The following RPS6KB1 variants were observed in gnomAD, a reference collection of about 807,000 sequenced individuals.
The protein encoded by RPS6KB1 is ribosomal protein S6 kinase B1.
A neutral mutation model predicts 70.2 loss-of-function variants in RPS6KB1; 12 were observed. That is an observed-to-expected ratio of 0.17 (90% confidence interval 0.11 to 0.28). The LOEUF (loss-of-function observed/expected upper bound fraction) is 0.28. Ranked by LOEUF, RPS6KB1 falls within the 10% of genes least tolerant of loss-of-function variation. RPS6KB1 has a pLI of 1.00. For missense variants in RPS6KB1, 270 were observed against 646.6 expected (o/e 0.42, Z 6.32); for synonymous variants, 175 against 211.2 (o/e 0.83, Z 1.49).
intron 4 of RPS6KB1, among the ~76,000 whole-genome samples, chr17:59,923,052 T>TG: frequency 6.6e-6 from 1 of 151,432 alleles, no homozygotes; most frequent in Non-Finnish European, 1.5e-5. Flanking sequence ...TTAGTAGAGA[T>TG]GGGGTTTCAC....
At chr17:59,925,232 C>G (rs1193858624) in intron 4 of RPS6KB1, among the ~76,000 whole-genome samples, 2 of 152,132 alleles carry the variant, frequency 1.3e-5, no homozygotes, top group African/African-American at 2.4e-5. Context: ...TAGTGTTCCA[C>G]TTTCACAGAT....
chr17:59,938,832 G>A (rs1003863543), intron 12 of RPS6KB1, among the ~76,000 whole-genome samples: 1 of 151,870 alleles, frequency 6.6e-6, no homozygotes, highest in African/African-American at 2.4e-5. Context: ...TACACTGATT[G>A]TCACAGGTTG....
At position 59,938,411 on chromosome 17, in the gene RPS6KB1, T is replaced by TC. The variant is rs757307732; in HGVS notation, c.1119+1871dup. ...TGTTGTTGTTTTTCCATTTTTTTTT[T>TC]CTCCTGTTTGTAAGGATTTAATCAA... is the stretch of plus-strand genomic sequence containing the variant. On this transcript the variant is annotated intron_variant, in intron 12 of 14. Transcript: ENST00000225577. 1.3e-3 allele frequency among the ~76,000 whole-genome samples: 194 copies of TC among 151,802 alleles called. 2 individuals are homozygous for TC. Among genetic ancestry groups the TC allele is most frequent in the Non-Finnish European group, 2.2e-3 (150 of 67,900 alleles).
chr17:59,946,712 C>A lies in RPS6KB1; in HGVS notation c.1502C>A (p.Pro501Gln). ...EASAPLPIRQ[P>Q]NSGPYKKQAF... ...TCGGCACCACTTCCAATACGACAGC[C>A]GAACTCTGGGCCATACAAAAAACAA... The change falls in exon 15 of 15, where the codon CCG becomes CAG. Residue 501 changes from proline (P) to glutamine (Q), a missense_variant. This residue lies in a region of RPS6KB1 where 133 missense variants were observed against 314.7 expected (regional missense o/e 0.42). Transcript: ENST00000225577. The surrounding 1 kb of genome is among the most constrained non-coding windows in gnomAD (Gnocchi z 4.2). 6.2e-7 allele frequency: 1 copy of A among 1,614,086 alleles called. No homozygotes were observed. Among genetic ancestry groups the A allele is most frequent in the Non-Finnish European group, 8.5e-7 (1 of 1,180,016 alleles).
chr17:59,917,354 G>A (rs2043017558), intron 4 of RPS6KB1, among the ~76,000 whole-genome samples: 1 of 152,020 alleles, frequency 6.6e-6, no homozygotes, highest in South Asian at 2.1e-4. Context: ...GGGCTCAAGT[G>A]ATCCACCCGC....
At position 59,920,064 on chromosome 17, in the gene RPS6KB1, T is replaced by A. The variant is rs116890780; in HGVS notation, c.381+5361T>A. On this transcript the variant is annotated intron_variant, in intron 4 of 14. Coordinates refer to ENST00000225577, the MANE Select transcript of RPS6KB1 (RefSeq NM_003161.4). ...TGTGTGTTTGTTTTCTTATTCTTGT[T>A]TGGGATTGATTACTGAAAAGATTCC... Among the ~76,000 whole-genome samples, 1,426 of 152,202 alleles carry A rather than the reference T, an allele frequency of 9.4e-3. 11 individuals are homozygous for A. The highest frequency in any genetic ancestry group is 0.017 in the Middle Eastern group (5 of 294).
intron 12 of RPS6KB1, among the ~76,000 whole-genome samples, chr17:59,937,277 C>A (rs1291680007): frequency 6.6e-6 from 1 of 152,096 alleles, no homozygotes; most frequent in African/African-American, 2.4e-5. Flanking sequence ...TTGGGACTTT[C>A]CTTTTTTTGG....
intron 4 of RPS6KB1, among the ~76,000 whole-genome samples, chr17:59,917,903 G>A (rs974829684): frequency 2.0e-5 from 3 of 151,962 alleles, no homozygotes; most frequent in Non-Finnish European, 2.9e-5. Context: ...TCTTTTCCAC[G>A]TTTCCATTTC....
chr17:59,894,857 G>T (rs899446492), intron 1 of RPS6KB1, among the ~76,000 whole-genome samples: 1 of 152,002 alleles, frequency 6.6e-6, no homozygotes, highest in Admixed American at 6.6e-5. Context: ...CACCAGCCTC[G>T]GCCTCCCAAA....
chr17:59,933,599 T>C (rs2044069541), intron 7 of RPS6KB1, among the ~76,000 whole-genome samples: 1 of 152,204 alleles, frequency 6.6e-6, no homozygotes. Context: ...GTGGTAAGTT[T>C]TTTACTTTCT....
rs2042829525 is a variant in RPS6KB1 at position 59,914,520 on chromosome 17, GCA to G, written c.313-112_313-111del. The stretch of plus-strand genomic sequence containing the variant: ...TCTGTTCTTTTAGCTGATCATTTTT[GCA>G]CATAGTTTTTATAATATAAACTGCT... On this transcript the variant is annotated intron_variant, in intron 3 of 14. Transcript: ENST00000225577. The G allele has an allele frequency of 3.8e-6, 3 of 782,500 alleles. No homozygotes were observed. In the Admixed American group the frequency reaches 7.1e-5, roughly 19 times the overall value. 48.5% of individuals were successfully genotyped at this position (782,500 alleles called of 1,614,324 possible).
At chr17:59,908,532 C>A (rs982073459) in intron 1 of RPS6KB1, among the ~76,000 whole-genome samples, 1 of 150,180 alleles carries the variant, frequency 6.7e-6, no homozygotes, top group South Asian at 2.1e-4. Context: ...GATAAATGTA[C>A]ATTTTGAAGG....
intron 7 of RPS6KB1, among the ~76,000 whole-genome samples, chr17:59,932,837 C>T (rs2044006169): frequency 6.6e-6 from 1 of 152,082 alleles, no homozygotes. Context: ...ACAGGCATAA[C>T]CCACCTTCCC....
At chr17:59,941,756 C>G (rs2044605612) in intron 13 of RPS6KB1, among the ~76,000 whole-genome samples, 1 of 151,752 alleles carries the variant, frequency 6.6e-6, no homozygotes, top group African/African-American at 2.4e-5. Flanking sequence ...GCCTCAGCCT[C>G]CCGAGTAGCT....
intron 1 of RPS6KB1, 54 bp from the exon 2 acceptor site, chr17:59,910,508 C>T (rs2042570736): frequency 2.6e-6 from 3 of 1,143,548 alleles, no homozygotes; most frequent in South Asian, 2.8e-5. Flanking sequence ...AGAATTAAAC[C>T]TTTAAATTTT....
At chr17:59,905,917 G>C (rs1256650556) in intron 1 of RPS6KB1, among the ~76,000 whole-genome samples, 1 of 151,940 alleles carries the variant, frequency 6.6e-6, no homozygotes, top group Non-Finnish European at 1.5e-5. Flanking sequence ...CAGCCTCCTC[G>C]ATAGCTGGGA....
intron 3 of RPS6KB1, 121 bp from the exon 4 acceptor site, chr17:59,914,514 A>C: frequency 1.3e-6 from 1 of 765,196 alleles, no homozygotes; most frequent in Non-Finnish European, 2.3e-6. Context: ...TTAGCTGATC[A>C]TTTTTGCACA....
At chr17:59,945,218 G>C (rs2044852951) in intron 13 of RPS6KB1, 188 bp from the exon 14 acceptor site, 1 of 468,256 alleles carries the variant, frequency 2.1e-6, no homozygotes, top group South Asian at 3.8e-5. Context: ...CTTTCTTGAA[G>C]TGTGTGCCTC....
At position 59,946,730 on chromosome 17, in the gene RPS6KB1, A is replaced by G. The variant is rs770364465; in HGVS notation, c.1520A>G (p.Lys507Arg). Residue 507 changes from lysine to arginine, a missense_variant, in exon 15 of 15, where the codon AAA (lysine) becomes AGA (arginine). Lys to Arg is a conservative substitution (Grantham distance 26, BLOSUM62 2). Around this residue, in one of 4 missense-constraint regions of RPS6KB1, gnomAD observed 133 missense variants for 314.7 expected, o/e 0.42. Coordinates refer to ENST00000225577, the MANE Select transcript of RPS6KB1 (RefSeq NM_003161.4). The surrounding 1 kb of genome is among the most constrained non-coding windows in gnomAD (Gnocchi z 4.2). ...PIRQPNSGPYKKQAFPMISKR... is the reference protein window; with the variant it reads ...PIRQPNSGPYRKQAFPMISKR... Reference sequence around the variant, plus strand: ...CGACAGCCGAACTCTGGGCCATACAAAAAACAAGCTTTTCCCATGATCTCC... The same window carrying G: ...CGACAGCCGAACTCTGGGCCATACAGAAAACAAGCTTTTCCCATGATCTCC... 3.7e-6 allele frequency: 6 copies of G among 1,614,098 alleles called. No homozygotes were observed. The highest frequency in any genetic ancestry group is 2.2e-5 in the South Asian group (2 of 91,072).
Sources: gnomAD v4.1 joint callset for allele counts (sites outside exome capture counted in the v4.1 genomes callset) on GRCh38, gnomAD v4.1.1 for gene constraint, gnomAD v4.1.1 regional missense constraint, Gnocchi (gnomAD v3.1) non-coding constraint, MANE v1.5 for transcripts, NCBI Gene and HGNC (gene_info 2026-07-23, HGNC 2026-07-21) for gene names.